LRRC40: variants seen among roughly 807,000 people sequenced by gnomAD.
The protein encoded by LRRC40 is leucine-rich repeat-containing protein 40.
A neutral mutation model predicts 72.8 loss-of-function variants in LRRC40; 76 were observed. The observed-to-expected ratio is 1.04, with a 90% CI of 0.87 to 1.26. LRRC40 has a LOEUF of 1.26. Ranked by LOEUF, LRRC40 falls within the 50% of genes most tolerant of loss-of-function variation. LRRC40 has a pLI of 0.00. For synonymous variants in LRRC40, 243 were observed against 254.2 expected (o/e 0.96, Z 0.42); for missense variants, 684 against 698.9 (o/e 0.98, Z 0.24).
rs576486451 is a variant in LRRC40, at chr1:70,194,267, T to C, written c.152-4994A>G. ...ACAGTCACAAAATTCAAGCTCAATA[T>C]AGAAAAATCAACTATGTTTCTATGT... is the stretch of plus-strand genomic sequence containing the variant. On this transcript the variant is annotated intron_variant, in intron 1 of 14. Coordinates refer to ENST00000370952, the MANE Select transcript of LRRC40 (RefSeq NM_017768.5). Among the ~76,000 whole-genome samples, 6 of 152,182 alleles carry C rather than the reference T, an allele frequency of 3.9e-5. No homozygotes were observed. In the South Asian group the frequency reaches 6.2e-4, roughly 16 times the overall value.
chr1:70,176,039 T>G, intron 6 of LRRC40, 57 bp from the exon 7 acceptor site: 11 of 1,101,348 alleles, frequency 1.0e-5, no homozygotes, highest in Non-Finnish European at 1.4e-5. Flanking sequence ...TAGTAGATAA[T>G]GAAAATAAAA....
chr1:70,204,732 T>TACACACACACACACACAC (rs3219841), intron 1 of LRRC40, among the ~76,000 whole-genome samples: 33 of 145,282 alleles, frequency 2.3e-4, no homozygotes, highest in African/African-American at 8.1e-4. Flanking sequence ...CTCTCTCTCT[T>TACACACACACACACACAC]ACACACACAC....
At chr1:70,199,329 T>A (rs955803927) in intron 1 of LRRC40, among the ~76,000 whole-genome samples, 3 of 152,170 alleles carry the variant, frequency 2.0e-5, no homozygotes, top group African/African-American at 7.2e-5. Context: ...TGCTTTTCTC[T>A]ATAGATTCTA....
chr1:70,146,055 C>CAAAA, intron 14 of LRRC40, 150 bp from the exon 15 acceptor site: 1 of 525,064 alleles, frequency 1.9e-6, no homozygotes, highest in Non-Finnish European at 3.4e-6. Flanking sequence ...GACAGAGTCT[C>CAAAA]ACTCTGTTGC....
At chr1:70,195,085 T>C (rs1033438985) in intron 1 of LRRC40, among the ~76,000 whole-genome samples, 2 of 152,118 alleles carry the variant, frequency 1.3e-5, no homozygotes, top group African/African-American at 4.8e-5. Flanking sequence ...CACGGACTTA[T>C]ATGTAAATGA....
chr1:70,175,568 C>G (rs1181778371), intron 7 of LRRC40, among the ~76,000 whole-genome samples: 2 of 151,990 alleles, frequency 1.3e-5, no homozygotes, highest in African/African-American at 2.4e-5. Flanking sequence ...AGTAATAATA[C>G]TAATACTAAT....
At position 70,148,673 on chromosome 1, in the gene LRRC40, C is replaced by G. The variant is rs1667380670; in HGVS notation, c.1518-1G>C. ...TAGAACTTCAGGTAGCATTTTAAAC[C>G]TATTAATACATGAACAGAACACCTA... is the stretch of plus-strand genomic sequence containing the variant. On this transcript the variant is annotated splice_acceptor_variant, in intron 13 of 14. Coordinates refer to ENST00000370952, the MANE Select transcript of LRRC40 (RefSeq NM_017768.5). LOFTEE classifies it high-confidence loss of function. 1 of 1,588,720 alleles carries G rather than the reference C, an allele frequency of 6.3e-7. No individual in the cohort carries two copies.
At chr1:70,161,652 C>A (rs1338714072) in intron 9 of LRRC40, among the ~76,000 whole-genome samples, 1 of 151,928 alleles carries the variant, frequency 6.6e-6, no homozygotes, top group Non-Finnish European at 1.5e-5. Context: ...TCACCTAGAA[C>A]GAAGTCTTCA....
chr1:70,187,836 A>G (rs909083025), intron 2 of LRRC40, among the ~76,000 whole-genome samples: 1 of 146,828 alleles, frequency 6.8e-6, no homozygotes, highest in African/African-American at 2.5e-5. Flanking sequence ...GTCTCAAAAA[A>G]TGGAAGAGAA....
Position 70,178,078 on chromosome 1 carries a change from T to C in LRRC40, c.804+773A>G, listed in dbSNP as rs2100299394. On this transcript the variant is annotated intron_variant, in intron 6 of 14. Transcript: ENST00000370952. ...AAATTATGTGTTAACCATTTGTTCATGTTATTGGTAAGGCTTCTGGTCAAC... is the reference window on the plus strand; with the variant it reads ...AAATTATGTGTTAACCATTTGTTCACGTTATTGGTAAGGCTTCTGGTCAAC... Among the ~76,000 whole-genome samples, 4 of 152,362 alleles carry C rather than the reference T, an allele frequency of 2.6e-5. 1 individual carries two copies. In the South Asian group the frequency reaches 8.3e-4, roughly 32 times the overall value.
At chr1:70,177,063 G>A (rs1011225497) in intron 6 of LRRC40, among the ~76,000 whole-genome samples, 4 of 152,100 alleles carry the variant, frequency 2.6e-5, no homozygotes, top group Admixed American at 1.3e-4. Context: ...ATCACCTGAG[G>A]TCAGGAGTTC....
At chr1:70,186,252 T>C (rs562613200) in intron 3 of LRRC40, among the ~76,000 whole-genome samples, 2 of 152,276 alleles carry the variant, frequency 1.3e-5, no homozygotes, top group East Asian at 3.9e-4. Flanking sequence ...CACACCTACA[T>C]ACTCTTAAGT....
At position 70,191,858 on chromosome 1, in the gene LRRC40, A is replaced by T. The variant is rs958579203; in HGVS notation, c.152-2585T>A. Among the ~76,000 whole-genome samples, 9 of 152,288 alleles carry T rather than the reference A, an allele frequency of 5.9e-5. No individual in the cohort carries two copies. In the East Asian group the frequency reaches 1.7e-3, roughly 29 times the overall value. On this transcript the variant is annotated intron_variant, in intron 1 of 14. Coordinates refer to ENST00000370952, the MANE Select transcript of LRRC40 (RefSeq NM_017768.5). ...TTGGATATTATAAAAAATTTCAAAC[A>T]TATACATAAATTTAAAGAGTAGCAT... is the stretch of plus-strand genomic sequence containing the variant.
rs546213031 is a variant in LRRC40 at position 70,205,428 on chromosome 1, C to T, written c.113G>A (p.Ser38Asn). The T allele has an allele frequency of 6.2e-7, 1 of 1,603,386 alleles. No homozygotes were observed. The highest frequency in any genetic ancestry group is 1.3e-5 in the African/African-American group (1 of 74,956). ...PQGLLKAARKSGQLNLSGRNL... is the reference protein window; with the variant it reads ...PQGLLKAARKNGQLNLSGRNL... ...TCTACCCGACAGGTTTAACTGGCCG[C>T]TCTTCCTCGCTGCCTTCAACAGCCC... The change falls in exon 1 of 15, where the codon AGC becomes AAC. Residue 38 changes from serine (S) to asparagine (N), a missense_variant. Coordinates refer to ENST00000370952, the MANE Select transcript of LRRC40 (RefSeq NM_017768.5).
chr1:70,153,971 T>G lies in LRRC40; in HGVS notation c.1329-1428A>C, dbSNP rs1423745578. Among the ~76,000 whole-genome samples the G allele has an allele frequency of 2.6e-5, 2 of 77,298 alleles. 1 individual carries two copies. The highest frequency in any genetic ancestry group is 9.2e-4 in the East Asian group (2 of 2,170). 50.7% of individuals were successfully genotyped at this position (77,298 alleles called of 152,430 possible). On this transcript the variant is annotated intron_variant, in intron 11 of 14. Coordinates refer to ENST00000370952, the MANE Select transcript of LRRC40 (RefSeq NM_017768.5). ...AGGGGCAACAGAGTGAGATCCTGTC[T>G]CAAAAAAAAAAAAAAAAAAAAAAAG... is the stretch of plus-strand genomic sequence containing the variant.
At chr1:70,177,347 T>TAC (rs1346548012) in intron 6 of LRRC40, among the ~76,000 whole-genome samples, 7 of 152,170 alleles carry the variant, frequency 4.6e-5, no homozygotes, top group Non-Finnish European at 1.0e-4. Flanking sequence ...TTAACTGTAG[T>TAC]ACACACTGTA....
At position 70,176,614 on chromosome 1, in the gene LRRC40, T is replaced by C. The variant is rs74768576; in HGVS notation, c.805-632A>G. Among the ~76,000 whole-genome samples, 1,240 of 150,002 alleles carry C rather than the reference T, an allele frequency of 8.3e-3. 16 individuals carry two copies. Among genetic ancestry groups the C allele is most frequent in the African/African-American group, 0.029 (1,182 of 40,970 alleles). On this transcript the variant is annotated intron_variant, in intron 6 of 14. Transcript: ENST00000370952. The stretch of plus-strand genomic sequence containing the variant: ...ATAATAAAAATATAAATCCAAAAAC[T>C]ACTTGCAAAACAAAGTAATATCAGT...
At chr1:70,160,587 A>T (rs904624228) in intron 9 of LRRC40, among the ~76,000 whole-genome samples, 11 of 152,162 alleles carry the variant, frequency 7.2e-5, no homozygotes, top group Admixed American at 3.3e-4. Flanking sequence ...AAGCAGAGAG[A>T]CACTATTAAA....
chr1:70,173,415 TCAC>T, intron 9 of LRRC40, 47 bp downstream of exon 9: 1 of 1,321,666 alleles, frequency 7.6e-7, no homozygotes, highest in South Asian at 1.2e-5. Context: ...TATTAATTCT[TCAC>T]CACTTTTTAT....
Sources: allele counts gnomAD v4.1 joint callset (sites outside exome capture counted in the v4.1 genomes callset), GRCh38; gene constraint gnomAD v4.1.1; transcripts MANE v1.5; gene names NCBI Gene and HGNC (gene_info 2026-07-23, HGNC 2026-07-21).